UTP4: variants seen among roughly 807,000 people sequenced by gnomAD.
UTP4 encodes the protein U3 small nucleolar RNA-associated protein 4 homolog.
In UTP4, 45 loss-of-function variants were observed where a neutral mutation model predicts 82.4. The ratio of observed to expected loss-of-function variants is 0.55; its 90% CI spans 0.43 to 0.70. UTP4 has a LOEUF of 0.70. Ranked by LOEUF, UTP4 falls within the 30% of genes least tolerant of loss-of-function variation. The pLI is 0.00. For synonymous variants in UTP4, 348 were observed against 300.3 expected (o/e 1.16, Z -1.64); for missense variants, 819 against 858.3 (o/e 0.95, Z 0.57).
At chr16:69,155,227 GC>G (rs2152281631) in intron 10 of UTP4, among the ~76,000 whole-genome samples, 1 of 152,230 alleles carries the variant, frequency 6.6e-6, no homozygotes, top group African/African-American at 2.4e-5. Context: ...AGGCTGGAGA[GC>G]AGTGGCACGG....
At chr16:69,138,961 T>TC (rs1306033803) in intron 4 of UTP4, 2 of 144,246 alleles carry the variant, frequency 1.4e-5, no homozygotes, top group Non-Finnish European at 3.0e-5. Flanking sequence ...GGGTGCTCTT[T>TC]TTTTTTTTTT....
At chr16:69,160,076 C>T (rs1003099919) in intron 12 of UTP4, among the ~76,000 whole-genome samples, 28 of 152,178 alleles carry the variant, frequency 1.8e-4, no homozygotes, top group Admixed American at 1.0e-3. Context: ...CAGATGCTGC[C>T]GTCATTCTCT....
intron 14 of UTP4, 58 bp from the exon 15 acceptor site, chr16:69,165,283 G>C: frequency 1.4e-6 from 2 of 1,428,478 alleles, no homozygotes; most frequent in South Asian, 1.1e-5. Context: ...GGATGAGAAT[G>C]CCCTTCTGGT....
At chr16:69,155,453 C>T (rs1194233789) in intron 10 of UTP4, among the ~76,000 whole-genome samples, 2 of 152,208 alleles carry the variant, frequency 1.3e-5, no homozygotes, top group Non-Finnish European at 2.9e-5. Flanking sequence ...GCATGACCCA[C>T]TGTACCTGGC....
intron 4 of UTP4, 191 bp downstream of exon 4, chr16:69,138,076 TTAAG>T: frequency 1.7e-6 from 1 of 581,308 alleles, no homozygotes; most frequent in South Asian, 2.2e-5. Flanking sequence ...GACTGCTTGG[TTAAG>T]TAATAATATA....
chr16:69,166,103 G>A lies in UTP4; in HGVS notation c.1833+577G>A, dbSNP rs186567309. 210 of 174,298 alleles carry A rather than the reference G, an allele frequency of 1.2e-3. 1 individual carries two copies. The highest frequency in any genetic ancestry group is 1.9e-3 in the Non-Finnish European group (157 of 80,804). The allele number at this position is 174,298 out of a possible 1,614,324, so 10.8% of individuals were successfully genotyped here. A position where few individuals can be genotyped will look rare whatever the true frequency, so the allele number is the denominator to read the frequency against. ...AGCATTTTCTTCAGTTTTAGATTCT[G>A]TCCTCTTTGCCAGCTGCTGTTTTGA... On this transcript the variant is annotated intron_variant, in intron 15 of 16. Transcript: ENST00000314423.
In UTP4 at chr16:69,140,021, A is replaced by C. The variant is rs1177752999; in HGVS notation, c.526+107A>C. The stretch of plus-strand genomic sequence containing the variant: ...CATGGTTTCATGACCTTTATGGCCT[A>C]ACATGTCATTAATCTTCTGAGATGT... On this transcript the variant is annotated intron_variant, in intron 5 of 16. Transcript: ENST00000314423. The C allele has an allele frequency of 3.7e-6, 3 of 813,612 alleles. No homozygotes were observed. The East Asian group carries it at 7.3e-5, about 20-fold the overall frequency. 50.4% of individuals were successfully genotyped at this position (813,612 alleles called of 1,614,324 possible). A position where few individuals can be genotyped will look rare whatever the true frequency, so the allele number is the denominator to read the frequency against.
chr16:69,134,293 G>A (rs1227876962), intron 2 of UTP4, among the ~76,000 whole-genome samples: 1 of 151,886 alleles, frequency 6.6e-6, no homozygotes, highest in African/African-American at 2.4e-5. Context: ...TCAGTGCCCA[G>A]CAGCCTGGTA....
intron 1 of UTP4, 69 bp from the exon 2 acceptor site, chr16:69,133,389 G>A: frequency 1.4e-6 from 2 of 1,468,702 alleles, no homozygotes; most frequent in East Asian, 2.3e-5. Flanking sequence ...TGATATTAAG[G>A]AACTGAATAC....
chr16:69,160,326 T>A, intron 12 of UTP4, 30 bp from the exon 13 acceptor site: 1 of 1,562,452 alleles, frequency 6.4e-7, no homozygotes, highest in Non-Finnish European at 8.8e-7. Context: ...ACTGTGTGAA[T>A]TCAGAGATGT....
intron 8 of UTP4, among the ~76,000 whole-genome samples, chr16:69,152,090 G>T (rs1963287731): frequency 6.6e-6 from 1 of 150,810 alleles, no homozygotes; most frequent in Non-Finnish European, 1.5e-5. Flanking sequence ...TAATGCATAT[G>T]GTTTGATGAG....
intron 16 of UTP4, 34 bp downstream of exon 16, chr16:69,167,219 G>C (rs778848167): frequency 7.1e-7 from 1 of 1,416,426 alleles, no homozygotes; most frequent in East Asian, 2.3e-5. Flanking sequence ...CTGGATAGTT[G>C]GTTCCTTTGT....
Position 69,153,578 on chromosome 16 carries a change from A to G in UTP4, c.1003-6A>G, listed in dbSNP as rs761020024. 2 of 1,607,338 alleles carry G rather than the reference A, an allele frequency of 1.2e-6. No individual in the cohort carries two copies. The highest frequency in any genetic ancestry group is 1.7e-6 in the Non-Finnish European group (2 of 1,174,716). On this transcript the variant is annotated splice_polypyrimidine_tract_variant and splice_region_variant and intron_variant, in intron 8 of 16. Transcript: ENST00000314423. ...ATTTTTTTAACTTCTTGATTCTTGGATATAGCGATGTCTCATCTCCTGTTC... is the reference window on the plus strand; with the variant it reads ...ATTTTTTTAACTTCTTGATTCTTGGGTATAGCGATGTCTCATCTCCTGTTC...
intron 12 of UTP4, among the ~76,000 whole-genome samples, chr16:69,160,062 G>C (rs1963524209): frequency 6.6e-6 from 1 of 151,928 alleles, no homozygotes; most frequent in South Asian, 2.1e-4. Flanking sequence ...ATATATTTTA[G>C]TGGCAGATGC....
At position 69,168,855 on chromosome 16, in the gene UTP4, C is replaced by G; in HGVS notation, c.1979C>G (p.Thr660Arg). ...LLFMDLLDERTLVAVERPLDD... is the reference protein window; with the variant it reads ...LLFMDLLDERRLVAVERPLDD... Reference sequence around the variant, plus strand: ...TTCATGGATCTTTTGGATGAAAGAACACTCGTGGCAGTAGAACGGCCTCTG... The same window carrying G: ...TTCATGGATCTTTTGGATGAAAGAAGACTCGTGGCAGTAGAACGGCCTCTG... The change falls in exon 17 of 17, where the codon ACA becomes AGA. Residue 660 changes from threonine (T) to arginine (R), a missense_variant. Thr to Arg is a moderately conservative substitution (Grantham distance 71, BLOSUM62 -1). Coordinates refer to ENST00000314423, the MANE Select transcript of UTP4 (RefSeq NM_032830.3). The G allele has an allele frequency of 6.2e-7, 1 of 1,613,718 alleles. No individual in the cohort carries two copies. Among genetic ancestry groups the G allele is most frequent in the African/African-American group, 1.3e-5 (1 of 75,018 alleles).
chr16:69,150,991 C>G, intron 8 of UTP4, 87 bp downstream of exon 8: 1 of 1,051,786 alleles, frequency 9.5e-7, no homozygotes, highest in Non-Finnish European at 1.5e-6. Context: ...ACAGCTCACG[C>G]TCGGCAAATT....
chr16:69,162,426 A>G (rs1963587164), intron 13 of UTP4, among the ~76,000 whole-genome samples: 2 of 152,128 alleles, frequency 1.3e-5, no homozygotes, highest in African/African-American at 4.8e-5. Context: ...AAATACAAAA[A>G]TTAAGCCAGG....
At chr16:69,153,161 A>G (rs984467462) in intron 8 of UTP4, among the ~76,000 whole-genome samples, 1 of 152,170 alleles carries the variant, frequency 6.6e-6, no homozygotes, top group Non-Finnish European at 1.5e-5. Context: ...GCTATGTCAC[A>G]TGCCATCACC....
chr16:69,154,988 G>T (rs986112743), intron 10 of UTP4, among the ~76,000 whole-genome samples: 2 of 152,120 alleles, frequency 1.3e-5, no homozygotes, highest in Admixed American at 1.3e-4. Context: ...CCAAAGTGCT[G>T]GGATTATAGG....
Sources: gnomAD v4.1 joint callset for allele counts (sites outside exome capture counted in the v4.1 genomes callset) on GRCh38, gnomAD v4.1.1 for gene constraint, MANE v1.5 for transcripts, NCBI Gene and HGNC (gene_info 2026-07-23, HGNC 2026-07-21) for gene names.